The following LSAMP variants were observed in gnomAD, a reference collection of about 807,000 sequenced individuals.
LSAMP encodes the protein limbic system-associated membrane protein.
Under a neutral mutation model 38.6 loss-of-function variants are expected in LSAMP, and 7 were observed. That is an observed-to-expected ratio of 0.18 (90% CI 0.10 to 0.34). The LOEUF (loss-of-function observed/expected upper bound fraction) is 0.34. Ranked by LOEUF, LSAMP falls within the 10% of genes least tolerant of loss-of-function variation. The pLI, the probability that LSAMP is intolerant of heterozygous loss-of-function variation, is 1.00. For missense variants in LSAMP, 313 were observed against 420.0 expected, an observed-to-expected ratio of 0.75 and a Z score of 2.23; for synonymous variants, 154 against 166.8, an observed-to-expected ratio of 0.92 and a Z score of 0.59.
chr3:116,045,810 AT>A (rs1475216228), intron 2 of LSAMP, among the ~76,000 whole-genome samples: 1 of 152,200 alleles, frequency 6.6e-6, no homozygotes, highest in African/African-American at 2.4e-5. Context: ...TGTAGATATT[AT>A]TATGCCTACT....
intron 1 of LSAMP, among the ~76,000 whole-genome samples, chr3:116,167,592 C>T (rs1710091233): frequency 6.6e-6 from 1 of 152,164 alleles, no homozygotes; most frequent in African/African-American, 2.4e-5. Context: ...ACGCTTCTAT[C>T]CATTTATCTG....
At chr3:116,334,403 T>C (rs886277704) in intron 1 of LSAMP, among the ~76,000 whole-genome samples, 1 of 152,074 alleles carries the variant, frequency 6.6e-6, no homozygotes, top group Non-Finnish European at 1.5e-5. Context: ...AAGCCAGCAT[T>C]ACACTGATAG....
At chr3:115,902,885 C>A (rs1342009865) in intron 3 of LSAMP, among the ~76,000 whole-genome samples, 1 of 152,130 alleles carries the variant, frequency 6.6e-6, no homozygotes, top group Admixed American at 6.6e-5. Context: ...CATCTATGAA[C>A]TGTTGGTAGG....
chr3:116,358,679 C>T (rs1280762903), intron 1 of LSAMP, among the ~76,000 whole-genome samples: 1 of 152,058 alleles, frequency 6.6e-6, no homozygotes, highest in Non-Finnish European at 1.5e-5. Context: ...GACATTCTAT[C>T]TCTTTATGCA....
At chr3:116,053,798 A>G (rs1941439798) in intron 2 of LSAMP, among the ~76,000 whole-genome samples, 1 of 152,192 alleles carries the variant, frequency 6.6e-6, no homozygotes, top group Admixed American at 6.5e-5. Context: ...GGAGAGTAAT[A>G]GTCAGTGCTG....
At chr3:116,015,881 C>G (rs1940466544) in intron 3 of LSAMP, among the ~76,000 whole-genome samples, 2 of 151,972 alleles carry the variant, frequency 1.3e-5, no homozygotes, top group Middle Eastern at 3.2e-3. Context: ...TATTGTGAAC[C>G]CTGCGTAGAA....
chr3:116,180,492 G>A (rs763836460), intron 1 of LSAMP, among the ~76,000 whole-genome samples: 2 of 152,052 alleles, frequency 1.3e-5, no homozygotes, highest in Non-Finnish European at 1.5e-5. Context: ...ATTTCTGGGA[G>A]AGTGAAGAAC....
At chr3:115,814,745 TAA>T (rs1156927789) in intron 6 of LSAMP, among the ~76,000 whole-genome samples, 2 of 152,130 alleles carry the variant, frequency 1.3e-5, no homozygotes, top group African/African-American at 4.8e-5. Flanking sequence ...CCAGAGGAGT[TAA>T]AGTTTGAATT....
chr3:116,220,366 C>CAT (rs2046268292), intron 1 of LSAMP, among the ~76,000 whole-genome samples: 1 of 150,920 alleles, frequency 6.6e-6, no homozygotes, highest in African/African-American at 2.4e-5. Context: ...CACACACACA[C>CAT]ACACACACAC....
chr3:116,250,270 TA>T (rs1478094900), intron 1 of LSAMP, among the ~76,000 whole-genome samples: 1 of 152,226 alleles, frequency 6.6e-6, no homozygotes, highest in African/African-American at 2.4e-5. Flanking sequence ...TAAGGTAACA[TA>T]TTTTTTTTGC....
intron 2 of LSAMP, among the ~76,000 whole-genome samples, chr3:116,052,688 C>CATTTGGGCTCA (rs1330391026): frequency 1.3e-5 from 2 of 152,194 alleles, no homozygotes; most frequent in Admixed American, 1.3e-4. Context: ...AGTTCCCAGG[C>CATTTGGGCTCA]ATTTGGGCTC....
Position 116,445,136 on chromosome 3 carries a change from G to T in LSAMP, c.-105C>A. ...GGGGCTTTCATCCACAGCGAGCGCA[G>T]AGCGGGCTTTGCCAGTTTATGGTCC... On this transcript the variant is annotated 5_prime_UTR_variant, in exon 1 of 7. It adds an upstream start codon to the 5' untranslated region. Coordinates refer to ENST00000490035, the MANE Select transcript of LSAMP (RefSeq NM_002338.5). 1 of 1,227,436 alleles carries T rather than the reference G, an allele frequency of 8.1e-7. No homozygotes were observed. Among genetic ancestry groups the T allele is most frequent in the Non-Finnish European group, 1.1e-6 (1 of 887,964 alleles). 76.0% of individuals were successfully genotyped at this position (1,227,436 alleles called of 1,614,324 possible).
Position 115,909,535 on chromosome 3 carries a change from C to T in LSAMP, c.515-56918G>A, listed in dbSNP as rs148595497. Among the ~76,000 whole-genome samples the T allele has an allele frequency of 8.9e-3, 1,349 of 152,278 alleles. 20 individuals are homozygous for T. Among genetic ancestry groups the T allele is most frequent in the South Asian group, 0.052 (252 of 4,816 alleles). On this transcript the variant is annotated intron_variant, in intron 3 of 6. Transcript: ENST00000490035. Reference sequence around the variant, plus strand: ...TAAGAATCCTGCTTCTTCCAATCCCCGTCCAGTACATCTTGGTTTGGGAAC... The same window carrying T: ...TAAGAATCCTGCTTCTTCCAATCCCTGTCCAGTACATCTTGGTTTGGGAAC...
intron 6 of LSAMP, among the ~76,000 whole-genome samples, chr3:115,820,535 T>C (rs1209765296): frequency 1.3e-5 from 2 of 152,216 alleles, no homozygotes; most frequent in African/African-American, 4.8e-5. Flanking sequence ...TCGAGACATT[T>C]ATTTAAGCTA....
At chr3:115,916,419 A>G (rs952171854) in intron 3 of LSAMP, among the ~76,000 whole-genome samples, 6 of 152,208 alleles carry the variant, frequency 3.9e-5, no homozygotes, top group Admixed American at 3.9e-4. Context: ...CTCAAGTGTA[A>G]ATTCCCATCA....
chr3:116,303,301 G>C (rs4831092), intron 1 of LSAMP, among the ~76,000 whole-genome samples: 2 of 152,050 alleles, frequency 1.3e-5, no homozygotes, highest in East Asian at 3.9e-4. Context: ...GAGTTTAGAA[G>C]TGAAATTAAA....
At chr3:116,422,570 G>T (rs2049142090) in intron 1 of LSAMP, among the ~76,000 whole-genome samples, 1 of 152,140 alleles carries the variant, frequency 6.6e-6, no homozygotes, top group Admixed American at 6.5e-5. Context: ...TAAGTTGGAG[G>T]TTGCCCAGAG....
At chr3:116,319,727 G>A (rs184715666) in intron 1 of LSAMP, among the ~76,000 whole-genome samples, 1 of 151,880 alleles carries the variant, frequency 6.6e-6, no homozygotes, top group African/African-American at 2.4e-5. Context: ...CTACTGTTCA[G>A]AGGTAAATGC....
At chr3:116,180,055 C>T (rs953988485) in intron 1 of LSAMP, among the ~76,000 whole-genome samples, 9 of 152,048 alleles carry the variant, frequency 5.9e-5, no homozygotes, top group Admixed American at 3.9e-4. Context: ...TGCTCATTTT[C>T]GTTCAATCAT....
Sources: allele counts gnomAD v4.1 joint callset (sites outside exome capture counted in the v4.1 genomes callset), GRCh38; gene constraint gnomAD v4.1.1; transcripts MANE v1.5; gene names NCBI Gene and HGNC (gene_info 2026-07-23, HGNC 2026-07-21).